ANKRD36: variants seen among roughly 807,000 people sequenced by gnomAD.
The protein encoded by ANKRD36 is ankyrin repeat domain 36.
ANKRD36 carries 179 observed loss-of-function variants against 278.1 expected under a neutral mutation model. The ratio of observed to expected loss-of-function variants is 0.64; its 90% CI spans 0.57 to 0.73. The LOEUF is 0.73. ANKRD36 is among the 30% of genes least tolerant of loss of function. The probability of loss-of-function intolerance (pLI) is 0.00; values close to 1 mark genes in which losing one functional copy is unlikely to be tolerated. For synonymous variants in ANKRD36, 320 were observed against 641.1 expected, an observed-to-expected ratio of 0.50 and a Z score of 7.57; for missense variants, 1,159 against 1,956.7, an observed-to-expected ratio of 0.59 and a Z score of 7.69.
In ANKRD36 at chr2:97,211,540, T is replaced by G. The variant is rs765278055; in HGVS notation, c.3368-6T>G. 2.5e-6 allele frequency: 4 copies of G among 1,605,912 alleles called. No individual in the cohort carries two copies. The highest frequency in any genetic ancestry group is 3.4e-6 in the Non-Finnish European group (4 of 1,174,794). On this transcript the variant is annotated splice_polypyrimidine_tract_variant and splice_region_variant and intron_variant, in intron 56 of 75. Transcript: ENST00000420699. ...TGAGTGATTATGTATCCCTTTTGCT[T>G]TTCAGTGTCTTCTCCGAAACAACCA...
intron 6 of ANKRD36, among the ~76,000 whole-genome samples, chr2:97,132,386 G>T (rs1314787486): frequency 6.6e-5 from 10 of 151,124 alleles, no homozygotes; most frequent in Non-Finnish European, 1.2e-4. Flanking sequence ...TTCATACTAT[G>T]GGATATATTT....
chr2:97,127,497 C>A (rs188703242), intron 6 of ANKRD36, among the ~76,000 whole-genome samples: 2 of 151,782 alleles, frequency 1.3e-5, no homozygotes, highest in African/African-American at 2.4e-5. Flanking sequence ...AAAATAAATT[C>A]TTTGCAATTA....
In ANKRD36 at chr2:97,215,492, G is replaced by C. The variant is rs777209146; in HGVS notation, c.3668G>C (p.Gly1223Ala). 48 of 1,575,138 alleles carry C rather than the reference G, an allele frequency of 3.0e-5. No homozygotes were observed. In the African/African-American group the frequency reaches 6.2e-4, roughly 20 times the overall value. The change falls in exon 62 of 76, where the codon GGG (glycine) becomes GCG (alanine). Residue 1223 changes from glycine to alanine, a missense_variant. Physicochemically the swap from Gly to Ala is moderately conservative, Grantham distance 60. Coordinates refer to ENST00000420699, the MANE Select transcript of ANKRD36 (RefSeq NM_001354587.1). ...ATEIKDGQIR[G>A]TVSPQKQSAQ... Reference sequence around the variant, plus strand: ...GAAATAAAGGATGGACAAATACGTGGGACAGGTATTTTGGAATACACCTTT... The same window carrying C: ...GAAATAAAGGATGGACAAATACGTGCGACAGGTATTTTGGAATACACCTTT...
At chr2:97,210,118 C>A (rs1278588529) in intron 56 of ANKRD36, among the ~76,000 whole-genome samples, 1 of 151,836 alleles carries the variant, frequency 6.6e-6, no homozygotes, top group African/African-American at 2.4e-5. Context: ...CAGCTCAAGA[C>A]ATAAGGGGCT....
chr2:97,203,999 C>T lies in ANKRD36; in HGVS notation c.2960-69C>T. ...AGGAGGACAGAGGCTGATGCTAACA[C>T]TGCATGAATGTATGGATAATTTTGT... On this transcript the variant is annotated intron_variant, in intron 48 of 75. Coordinates refer to ENST00000420699, the MANE Select transcript of ANKRD36 (RefSeq NM_001354587.1). The T allele has an allele frequency of 6.5e-6, 10 of 1,535,042 alleles. No homozygotes were observed. In the Middle Eastern group the frequency reaches 7.0e-4, roughly 108 times the overall value.
In ANKRD36 at chr2:97,200,380, C is replaced by T. The variant is rs1471278526; in HGVS notation, c.2784+18C>T. 12 of 1,604,938 alleles carry T rather than the reference C, an allele frequency of 7.5e-6. No individual in the cohort carries two copies. Among genetic ancestry groups the T allele is most frequent in the Non-Finnish European group, 1.0e-5 (12 of 1,178,674 alleles). ...CCTTGGAGGTAATGAAACTCTCATT[C>T]ATATTGTGAGCTAGTAAACGTATAG... On this transcript the variant is annotated intron_variant, in intron 45 of 75. Transcript: ENST00000420699.
intron 22 of ANKRD36, among the ~76,000 whole-genome samples, chr2:97,177,337 C>T (rs1002161999): frequency 1.1e-4 from 16 of 151,822 alleles, no homozygotes; most frequent in African/African-American, 3.9e-4. Context: ...CTTTAAAGTT[C>T]ATATAGAACC....
chr2:97,161,606 A>G (rs1388138815), intron 17 of ANKRD36, among the ~76,000 whole-genome samples: 1 of 152,208 alleles, frequency 6.6e-6, no homozygotes, highest in Admixed American at 6.6e-5. Flanking sequence ...ACATTCTAGC[A>G]TAACACTTAT....
intron 6 of ANKRD36, among the ~76,000 whole-genome samples, chr2:97,139,830 G>A (rs890604326): frequency 1.3e-5 from 2 of 152,030 alleles, no homozygotes; most frequent in Non-Finnish European, 2.9e-5. Flanking sequence ...GGAAATGGCC[G>A]ATGGTCAAAG....
chr2:97,207,885 T>A (rs1387842562), intron 53 of ANKRD36, 46 bp downstream of exon 53: 2 of 1,541,972 alleles, frequency 1.3e-6, no homozygotes, highest in Non-Finnish European at 1.8e-6. Context: ...ATGTATAGTC[T>A]ATGAAACATA....
At chr2:97,205,344 A>G (rs2062551818) in intron 50 of ANKRD36, among the ~76,000 whole-genome samples, 1 of 151,572 alleles carries the variant, frequency 6.6e-6, no homozygotes, top group African/African-American at 2.4e-5. Flanking sequence ...TAAGCAAATT[A>G]TTACACCACA....
intron 56 of ANKRD36, among the ~76,000 whole-genome samples, chr2:97,210,485 A>T (rs1355742002): frequency 6.6e-6 from 1 of 151,892 alleles, no homozygotes; most frequent in Non-Finnish European, 1.5e-5. Context: ...AGCAGGAAAC[A>T]ATGGTATAAT....
chr2:97,206,168 A>C (rs1304320570), intron 52 of ANKRD36, 33 bp downstream of exon 52: 9 of 1,504,516 alleles, frequency 6.0e-6, no homozygotes, highest in African/African-American at 5.6e-5. Context: ...TGCCATGTTC[A>C]GTCGAGATAG....
rs1344728505 is a variant in ANKRD36 at position 97,212,956 on chromosome 2, T to C, written c.3470-463T>C. ...TGTACGTTCAACTGAAGTGTCATTG[T>C]AATTGTGTGCCTTCTCAGTTATTGG... On this transcript the variant is annotated intron_variant, in intron 58 of 75. Coordinates refer to ENST00000420699, the MANE Select transcript of ANKRD36 (RefSeq NM_001354587.1). 5 of 315,932 alleles carry C rather than the reference T, an allele frequency of 1.6e-5. No individual in the cohort carries two copies. In the East Asian group the frequency reaches 3.8e-4, roughly 24 times the overall value. The allele number at this position is 315,932 out of a possible 1,614,324, so 19.6% of individuals were successfully genotyped here. A position where few individuals can be genotyped will look rare whatever the true frequency, so the allele number is the denominator to read the frequency against.
At chr2:97,212,269 C>T (rs1202472754) in intron 58 of ANKRD36, among the ~76,000 whole-genome samples, 1 of 151,890 alleles carries the variant, frequency 6.6e-6, no homozygotes, top group Non-Finnish European at 1.5e-5. Flanking sequence ...GAGGAAACCT[C>T]AGTGAACTCA....
Position 97,205,982 on chromosome 2 carries a change from C to A in ANKRD36, c.3090+14C>A, listed in dbSNP as rs1321416436. The A allele has an allele frequency of 1.3e-6, 2 of 1,553,198 alleles. No homozygotes were observed. Among genetic ancestry groups the A allele is most frequent in the Admixed American group, 3.8e-5 (2 of 52,950 alleles). On this transcript the variant is annotated intron_variant, in intron 51 of 75. Transcript: ENST00000420699. ...CCAACCTTGAAGGTAATGAAACTCC[C>A]ATTTATATTGTGAACGAGTTAATAT...
intron 67 of ANKRD36, among the ~76,000 whole-genome samples, chr2:97,228,145 C>A (rs2070558352): frequency 6.6e-6 from 1 of 152,090 alleles, no homozygotes; most frequent in African/African-American, 2.4e-5. Flanking sequence ...ATGATGCTGG[C>A]CTCATAAAAT....
chr2:97,221,046 C>T (rs1172579136), intron 66 of ANKRD36, among the ~76,000 whole-genome samples: 32 of 120,164 alleles, frequency 2.7e-4, no homozygotes, highest in Non-Finnish European at 3.5e-4. Flanking sequence ...TTTGTTCTTG[C>T]GATAGTTTAC....
At chr2:97,151,804 A>G (rs2153467310) in intron 12 of ANKRD36, 75 bp from the exon 13 acceptor site, 1 of 964,902 alleles carries the variant, frequency 1.0e-6, no homozygotes, top group Non-Finnish European at 1.6e-6. Context: ...CTGTTAGATC[A>G]TGTAGTAATG....
Sources: allele counts gnomAD v4.1 joint callset (sites outside exome capture counted in the v4.1 genomes callset), GRCh38; gene constraint gnomAD v4.1.1; transcripts MANE v1.5; gene names NCBI Gene and HGNC (gene_info 2026-07-23, HGNC 2026-07-21).